The following OR2Z1 variants were observed in gnomAD, a reference collection of about 807,000 sequenced individuals.
OR2Z1 encodes olfactory receptor 2Z1.
For missense variants in OR2Z1, 449 were observed against 401.8 expected, an observed-to-expected ratio of 1.12 and a Z score of -1.00; for synonymous variants, 188 against 160.6, an observed-to-expected ratio of 1.17 and a Z score of -1.29.
chr19:8,729,252 T>G, intron 2 of OR2Z1: 1 of 609,522 alleles, frequency 1.6e-6, no homozygotes, highest in South Asian at 1.7e-5. Context: ...TGCTTCCCTC[T>G]GAAGTCCCCA....
chr19:8,730,793 T>C, intron 2 of OR2Z1, 67 bp from the exon 3 acceptor site: 2 of 572,580 alleles, frequency 3.5e-6, no homozygotes, highest in South Asian at 4.3e-5. Context: ...CATTCAGAGA[T>C]GCCAGCTGCT....
rs1261218349 is a variant in OR2Z1, at chr19:8,724,000, GTGTGTGTGTGTA to G, written c.-170+862_-170+873del. On this transcript the variant is annotated intron_variant, in intron 2 of 2. Transcript: ENST00000641125. Reference sequence around the variant, plus strand: ...TGTGTGTGTGTGTGTGTGTGTGTGTGTGTGTGTGTGTATGTGTGTGTGTGTGTGTGAAGCAAA... The same window carrying G: ...TGTGTGTGTGTGTGTGTGTGTGTGTGTGTGTGTGTGTGTGTGTGAAGCAAA... Among the ~76,000 whole-genome samples, 249 of 132,384 alleles carry G rather than the reference GTGTGTGTGTGTA, an allele frequency of 1.9e-3. 3 individuals carry two copies. The highest frequency in any genetic ancestry group is 9.6e-3 in the African/African-American group (239 of 24,886). 86.8% of individuals were successfully genotyped at this position (132,384 alleles called of 152,430 possible).
chr19:8,727,478 A>G (rs1428823787), intron 2 of OR2Z1, among the ~76,000 whole-genome samples: 1 of 152,200 alleles, frequency 6.6e-6, no homozygotes, highest in African/African-American at 2.4e-5. Flanking sequence ...TGGGTGCAGC[A>G]CACCAACATG....
rs1007804328 is a variant in OR2Z1, at chr19:8,725,922, T to C, written c.-170+2772T>C. Among the ~76,000 whole-genome samples, 11 of 152,280 alleles carry C rather than the reference T, an allele frequency of 7.2e-5. No individual in the cohort carries two copies. The East Asian group carries it at 2.1e-3, about 29-fold the overall frequency. On this transcript the variant is annotated intron_variant, in intron 2 of 2. Transcript: ENST00000641125. ...TGGTGGAAGATGAGGGAGAAGCAGA[T>C]GTCTTACATGGCAGGAGTAGAGGCA...
At chr19:8,724,614 C>T (rs2043320596) in intron 2 of OR2Z1, among the ~76,000 whole-genome samples, 1 of 152,136 alleles carries the variant, frequency 6.6e-6, no homozygotes, top group Non-Finnish European at 1.5e-5. Flanking sequence ...TCCCACCATC[C>T]TCACTTCTCT....
intron 2 of OR2Z1, among the ~76,000 whole-genome samples, chr19:8,727,387 G>C (rs1480847196): frequency 1.3e-5 from 2 of 152,126 alleles, no homozygotes; most frequent in African/African-American, 2.4e-5. Flanking sequence ...AGCTCTATTT[G>C]TTTTGCCCTG....
At chr19:8,729,866 A>G (rs1217523300) in intron 2 of OR2Z1, among the ~76,000 whole-genome samples, 2 of 152,012 alleles carry the variant, frequency 1.3e-5, no homozygotes. Flanking sequence ...CTGGGATTAT[A>G]GCCATGAGCC....
At chr19:8,727,321 A>G (rs1364581171) in intron 2 of OR2Z1, among the ~76,000 whole-genome samples, 2 of 152,146 alleles carry the variant, frequency 1.3e-5, no homozygotes, top group Non-Finnish European at 2.9e-5. Context: ...ACTCTTCCTC[A>G]GCCCCTGGTC....
chr19:8,731,700 T>G lies in OR2Z1; in HGVS notation c.672T>G (p.Ala224=), dbSNP rs1555756822. 6.2e-7 allele frequency: 1 copy of G among 1,614,018 alleles called. No individual in the cohort carries two copies. Residue 224 remains alanine (A), a synonymous_variant, in exon 3 of 3, where the codon GCT becomes GCG. Transcript: ENST00000641125. ...CCTCCTACGGCCACGTGTTGCAGGC[T>G]GTTCTAAGCATGCGCTCAGAGGAGG... is the stretch of plus-strand genomic sequence containing the variant. ...IATSYGHVLQ[A]VLSMRSEEAR...
intron 2 of OR2Z1, 140 bp from the exon 3 acceptor site, chr19:8,730,720 A>C: frequency 2.7e-6 from 1 of 370,850 alleles, no homozygotes; most frequent in Non-Finnish European, 4.9e-6. Flanking sequence ...GTCCAGCCGA[A>C]CCTCAAATTT....
chr19:8,730,148 C>T (rs573782737), intron 2 of OR2Z1, among the ~76,000 whole-genome samples: 4 of 152,342 alleles, frequency 2.6e-5, no homozygotes, highest in South Asian at 2.1e-4. Flanking sequence ...TAAACATGCT[C>T]ATTTGGTAGA....
chr19:8,724,740 C>T (rs544671956), intron 2 of OR2Z1, among the ~76,000 whole-genome samples: 1 of 152,262 alleles, frequency 6.6e-6, no homozygotes, highest in East Asian at 1.9e-4. Context: ...GACTTCTCTT[C>T]ATTACTGAGA....
At chr19:8,723,936 A>C (rs1361227424) in intron 2 of OR2Z1, among the ~76,000 whole-genome samples, 1 of 149,492 alleles carries the variant, frequency 6.7e-6, no homozygotes, top group African/African-American at 2.5e-5. Context: ...CATTAGCCAG[A>C]AATCATAACT....
At chr19:8,728,676 GT>G (rs148970559) in intron 2 of OR2Z1, 10,279 of 444,540 alleles carry the variant, frequency 0.023, 743 homozygotes, top group African/African-American at 0.18. Context: ...CCAATAGGTA[GT>G]TTTTTTTTTA....
intron 2 of OR2Z1, chr19:8,728,831 G>T (rs1236064928): frequency 5.8e-5 from 37 of 637,412 alleles, no homozygotes; most frequent in Non-Finnish European, 6.2e-5. Context: ...GAATCAGGGT[G>T]TTGACCTTGG....
In OR2Z1 at chr19:8,731,374, G is replaced by C; in HGVS notation, c.346G>C (p.Val116Leu). The C allele has an allele frequency of 6.2e-7, 1 of 1,614,046 alleles. No homozygotes were observed. The highest frequency in any genetic ancestry group is 8.5e-7 in the Non-Finnish European group (1 of 1,180,016). ...GGGTGTGGCTGAGGGCGTCCTGTTGGTCCTCATGTCTTATGACCGTTATGT... is the reference window on the plus strand; with the variant it reads ...GGGTGTGGCTGAGGGCGTCCTGTTGCTCCTCATGTCTTATGACCGTTATGT... Reference protein sequence around the residue: ...LMGVAEGVLLVLMSYDRYVAV... With the variant: ...LMGVAEGVLLLLMSYDRYVAV... The change falls in exon 3 of 3, where the codon GTC becomes CTC. Residue 116 changes from valine (V) to leucine (L), a missense_variant. Transcript: ENST00000641125.
chr19:8,730,375 G>A (rs1555756588), intron 2 of OR2Z1, among the ~76,000 whole-genome samples: 1 of 152,108 alleles, frequency 6.6e-6, no homozygotes, highest in African/African-American at 2.4e-5. Context: ...CCTGGGATGA[G>A]GGGTATTGAA....
At chr19:8,730,805 CT>C in intron 2 of OR2Z1, 54 bp from the exon 3 acceptor site, 1 of 583,242 alleles carries the variant, frequency 1.7e-6, no homozygotes, top group South Asian at 2.1e-5. Flanking sequence ...CCAGCTGCTT[CT>C]TTCCCATCCC....
chr19:8,728,593 G>A (rs2043337394), intron 2 of OR2Z1: 1 of 389,100 alleles, frequency 2.6e-6, no homozygotes, highest in African/African-American at 2.1e-5. Flanking sequence ...TGCAAGGTGT[G>A]TTACATGGAT....
Sources: gnomAD v4.1 joint callset for allele counts (sites outside exome capture counted in the v4.1 genomes callset) on GRCh38, gnomAD v4.1.1 for gene constraint, MANE v1.5 for transcripts, NCBI Gene and HGNC (gene_info 2026-07-23, HGNC 2026-07-21) for gene names.